Variants in GUCY1B1 observed in about 807,000 individuals in gnomAD.
GUCY1B1 encodes the protein guanylate cyclase 1 soluble subunit beta 1.
Under a neutral mutation model 71.0 loss-of-function variants are expected in GUCY1B1, and 43 were observed. The observed-to-expected ratio is 0.61, with a 90% CI of 0.47 to 0.78. The LOEUF is 0.78. Ranked by LOEUF, GUCY1B1 falls within the 30% of genes least tolerant of loss-of-function variation. GUCY1B1 has a pLI of 0.00. For missense variants in GUCY1B1, 535 were observed against 754.1 expected, an observed-to-expected ratio of 0.71 and a Z score of 3.40; for synonymous variants, 266 against 259.7, an observed-to-expected ratio of 1.02 and a Z score of -0.23.
At chr4:155,803,418 C>G (rs989343706) in intron 10 of GUCY1B1, among the ~76,000 whole-genome samples, 20 of 152,070 alleles carry the variant, frequency 1.3e-4, no homozygotes, top group Admixed American at 3.3e-4. Flanking sequence ...ATCAAAGACC[C>G]CAAGTGTCCA....
intron 8 of GUCY1B1, among the ~76,000 whole-genome samples, chr4:155,799,673 C>G (rs773394606): frequency 6.6e-6 from 1 of 152,194 alleles, no homozygotes; most frequent in African/African-American, 2.4e-5. Flanking sequence ...AAATGCATCT[C>G]AAGTTCACTG....
In GUCY1B1 at chr4:155,806,369, T is replaced by C. The variant is rs1351870533; in HGVS notation, c.1837-17T>C. 2.5e-6 allele frequency: 4 copies of C among 1,572,524 alleles called. No homozygotes were observed. Among genetic ancestry groups the C allele is most frequent in the East Asian group, 2.2e-5 (1 of 44,656 alleles). ...TATCACTGTAAATCAATCCCTCTTT[T>C]CTTCTGCCTATTTAAGGAAACAAAG... On this transcript the variant is annotated splice_polypyrimidine_tract_variant and intron_variant, in intron 13 of 13. Coordinates refer to ENST00000264424, the MANE Select transcript of GUCY1B1 (RefSeq NM_000857.5).
At chr4:155,790,033 C>A in intron 5 of GUCY1B1, 122 bp downstream of exon 5, 1 of 644,404 alleles carries the variant, frequency 1.6e-6, no homozygotes, top group Non-Finnish European at 2.7e-6. Context: ...ATATATAAGC[C>A]AAAACAGTGG....
intron 2 of GUCY1B1, chr4:155,772,704 GCC>G: frequency 1.4e-6 from 1 of 702,394 alleles, no homozygotes; most frequent in South Asian, 1.5e-5. Flanking sequence ...ACAGGCATGA[GCC>G]AACCTGCCCA....
At chr4:155,759,235 CG>C in intron 1 of GUCY1B1, 92 bp downstream of exon 1, 2 of 1,325,514 alleles carry the variant, frequency 1.5e-6, no homozygotes, top group Non-Finnish European at 1.0e-6. Context: ...GAGCTTGGCT[CG>C]GGGGCCCTGG....
Position 155,804,602 on chromosome 4 carries a change from G to A in GUCY1B1, c.1564G>A (p.Gly522Arg). The A allele has an allele frequency of 6.2e-7, 1 of 1,612,010 alleles. No homozygotes were observed. The highest frequency in any genetic ancestry group is 8.5e-7 in the Non-Finnish European group (1 of 1,178,396). Residue 522 changes from glycine to arginine, a missense_variant, in exon 12 of 14, where the codon GGG becomes AGG. Gly to Arg is a moderately radical substitution (Grantham distance 125). Transcript: ENST00000264424. ...GCTTTCTTTTTTGCAGATAACAATAGGGATACACACTGGAGAGGTAGTTAC... is the reference window on the plus strand; with the variant it reads ...GCTTTCTTTTTTGCAGATAACAATAAGGATACACACTGGAGAGGTAGTTAC... ...VDGESVQITIGIHTGEVVTGV... is the reference protein window; with the variant it reads ...VDGESVQITIRIHTGEVVTGV...
chr4:155,774,682 A>G (rs373355156), intron 2 of GUCY1B1, among the ~76,000 whole-genome samples: 2 of 152,188 alleles, frequency 1.3e-5, no homozygotes, highest in South Asian at 4.1e-4. Context: ...TATTTAATTT[A>G]TTATATTTAA....
intron 4 of GUCY1B1, among the ~76,000 whole-genome samples, chr4:155,781,638 A>T (rs1322666118): frequency 6.6e-6 from 1 of 151,902 alleles, no homozygotes; most frequent in African/African-American, 2.4e-5. Context: ...TACGATAAAT[A>T]AAATTTATCC....
rs1223783910 is a variant in GUCY1B1, at chr4:155,759,226, A to G, written c.3+83A>G. ...GCGAGGGAACTGGCCGCGCAGCCGG[A>G]GCTTGGCTCGGGGGCCCTGGGCGCT... On this transcript the variant is annotated intron_variant, in intron 1 of 13. Transcript: ENST00000264424. The G allele has an allele frequency of 2.4e-5, 34 of 1,408,798 alleles. No homozygotes were observed. The Admixed American group carries it at 3.1e-4, about 13-fold the overall frequency. 87.3% of individuals were successfully genotyped at this position (1,408,798 alleles called of 1,614,324 possible).
chr4:155,780,877 A>C (rs1223550954), intron 4 of GUCY1B1, among the ~76,000 whole-genome samples: 6 of 152,162 alleles, frequency 3.9e-5, no homozygotes, highest in Admixed American at 3.9e-4. Flanking sequence ...ATCTGTTGAC[A>C]CTTTTAAAAT....
intron 2 of GUCY1B1, among the ~76,000 whole-genome samples, chr4:155,765,461 T>C (rs867715073): frequency 2.6e-5 from 4 of 152,290 alleles, no homozygotes; most frequent in Middle Eastern, 3.4e-3. Context: ...AAAAATGTCT[T>C]TATTGTTTAT....
At chr4:155,766,876 T>C (rs1005568079) in intron 2 of GUCY1B1, among the ~76,000 whole-genome samples, 2 of 152,172 alleles carry the variant, frequency 1.3e-5, no homozygotes, top group African/African-American at 2.4e-5. Flanking sequence ...CACCATGTCA[T>C]GCTATTTCGA....
intron 5 of GUCY1B1, among the ~76,000 whole-genome samples, chr4:155,792,870 T>C (rs1375671721): frequency 6.6e-6 from 1 of 152,162 alleles, no homozygotes; most frequent in Non-Finnish European, 1.5e-5. Context: ...TAGGATTTTT[T>C]TACATTATAG....
rs1287332948 is a variant in GUCY1B1, at chr4:155,759,055, C to T, written c.-86C>T. 11 of 1,401,180 alleles carry T rather than the reference C, an allele frequency of 7.9e-6. No individual in the cohort carries two copies. The highest frequency in any genetic ancestry group is 4.3e-5 in the African/African-American group (3 of 70,228). The allele number at this position is 1,401,180 out of a possible 1,614,324, so 86.8% of individuals were successfully genotyped here. Reference sequence around the variant, plus strand: ...CGATGCTGCCTCCCCGGCCCGGTTGCGCTGTAGCCGCTGCCGCCTCTGCCT... The same window carrying T: ...CGATGCTGCCTCCCCGGCCCGGTTGTGCTGTAGCCGCTGCCGCCTCTGCCT... On this transcript the variant is annotated 5_prime_UTR_variant, in exon 1 of 14. Transcript: ENST00000264424.
intron 4 of GUCY1B1, among the ~76,000 whole-genome samples, chr4:155,786,423 C>CCCA (rs1561018304): frequency 2.1e-5 from 3 of 143,632 alleles, no homozygotes; most frequent in Non-Finnish European, 4.5e-5. Context: ...ACAGGCATGC[C>CCCA]CCACCACGCC....
At chr4:155,771,543 A>G (rs1049581489) in intron 2 of GUCY1B1, among the ~76,000 whole-genome samples, 3 of 152,350 alleles carry the variant, frequency 2.0e-5, no homozygotes, top group Admixed American at 2.0e-4. Flanking sequence ...ATGGTGAAAC[A>G]TGAATAAATT....
intron 2 of GUCY1B1, among the ~76,000 whole-genome samples, chr4:155,774,417 G>A (rs1163740775): frequency 1.3e-5 from 2 of 152,130 alleles, no homozygotes; most frequent in Non-Finnish European, 2.9e-5. Flanking sequence ...CAGCTTCTCA[G>A]TGAGGCCTTC....
In GUCY1B1 at chr4:155,796,419, CTG is replaced by C; in HGVS notation, c.887_888del (p.Leu296HisfsTer4). The part of the protein sequence containing the change: ...DVEKLECEDE[L>X]TGTEISCLRL... ...GGAGAAATTAGAATGTGAGGATGAACTGACTGGGACTGAGATCAGCTGCTTAC... is the reference window on the plus strand; with the variant it reads ...GGAGAAATTAGAATGTGAGGATGAACACTGGGACTGAGATCAGCTGCTTAC... On this transcript the variant is annotated frameshift_variant, in exon 8 of 14. Coordinates refer to ENST00000264424, the MANE Select transcript of GUCY1B1 (RefSeq NM_000857.5). LOFTEE classifies it high-confidence loss of function. 1 of 1,612,724 alleles carries C rather than the reference CTG, an allele frequency of 6.2e-7. No homozygotes were observed. Among genetic ancestry groups the C allele is most frequent in the Admixed American group, 1.7e-5 (1 of 59,980 alleles).
At chr4:155,798,361 A>C (rs542775457) in intron 8 of GUCY1B1, among the ~76,000 whole-genome samples, 1 of 152,282 alleles carries the variant, frequency 6.6e-6, no homozygotes, top group Non-Finnish European at 1.5e-5. Context: ...ACTCAGTATG[A>C]GCATTTTTGA....
Sources: gnomAD v4.1 joint callset for allele counts (sites outside exome capture counted in the v4.1 genomes callset) on GRCh38, gnomAD v4.1.1 for gene constraint, MANE v1.5 for transcripts, NCBI Gene and HGNC (gene_info 2026-07-23, HGNC 2026-07-21) for gene names.